LRRFIP2: variants seen among roughly 807,000 people sequenced by gnomAD.
LRRFIP2 encodes the protein leucine-rich repeat flightless-interacting protein 2.
LRRFIP2 carries 109 observed loss-of-function variants against 125.9 expected under a neutral mutation model. The ratio of observed to expected loss-of-function variants is 0.87; its 90% confidence interval spans 0.74 to 1.01. The LOEUF (loss-of-function observed/expected upper bound fraction) is 1.01. Among genes scored for constraint, LRRFIP2 ranks in the 50% least tolerant of loss-of-function variants. LRRFIP2 has a pLI of 0.00. For missense variants in LRRFIP2, 850 were observed against 862.3 expected (o/e 0.99, Z 0.18); for synonymous variants, 291 against 293.1 (o/e 0.99, Z 0.07).
chr3:37,056,643 CG>C (rs2086965694), intron 25 of LRRFIP2, among the ~76,000 whole-genome samples: 1 of 151,910 alleles, frequency 6.6e-6, no homozygotes, highest in Non-Finnish European at 1.5e-5. Flanking sequence ...TTAGTAGAGA[CG>C]GGGTTTCACC....
chr3:37,063,635 CTGA>C (rs1407776599), intron 24 of LRRFIP2, 104 bp downstream of exon 24: 2 of 822,450 alleles, frequency 2.4e-6, no homozygotes, highest in African/African-American at 1.7e-5. Flanking sequence ...CACTTGAGTA[CTGA>C]TGTTTGAAAG....
chr3:37,073,146 C>T (rs2091524125), intron 20 of LRRFIP2, among the ~76,000 whole-genome samples: 1 of 152,212 alleles, frequency 6.6e-6, no homozygotes, highest in African/African-American at 2.4e-5. Context: ...TGGCAGCAAG[C>T]CAGCTAGAAT....
intron 8 of LRRFIP2, among the ~76,000 whole-genome samples, chr3:37,111,447 T>A (rs943279958): frequency 6.6e-6 from 1 of 152,132 alleles, no homozygotes; most frequent in Non-Finnish European, 1.5e-5. Flanking sequence ...TTCCAAACAT[T>A]TCCTAGTCCC....
intron 17 of LRRFIP2, among the ~76,000 whole-genome samples, 192 bp from the exon 18 acceptor site, chr3:37,091,730 GGAA>G (rs2093451672): frequency 6.6e-6 from 1 of 152,098 alleles, no homozygotes; most frequent in African/African-American, 2.4e-5. Flanking sequence ...TGGGACTGGG[GGAA>G]GGTCTAGAGT....
At chr3:37,157,123 C>T (rs1032943815) in intron 1 of LRRFIP2, among the ~76,000 whole-genome samples, 1 of 151,370 alleles carries the variant, frequency 6.6e-6, no homozygotes, top group Non-Finnish European at 1.5e-5. Flanking sequence ...GAGTGCAACC[C>T]CGTCTCAAAA....
rs559203859 is a variant in LRRFIP2 at position 37,171,708 on chromosome 3, G to A, written c.-56+2831C>T. On this transcript the variant is annotated intron_variant, in intron 1 of 27. Coordinates refer to ENST00000336686, the MANE Select transcript of LRRFIP2 (RefSeq NM_006309.4). ...TTTATTATGTATAGATTAGGATGTG[G>A]AAGGTAAAGGAAAAAAGGAGGTAGA... 2.0e-5 allele frequency among the ~76,000 whole-genome samples: 3 copies of A among 152,270 alleles called. No individual in the cohort carries two copies. The South Asian group carries it at 6.2e-4, about 32-fold the overall frequency.
At chr3:37,091,648 C>A in intron 17 of LRRFIP2, 110 bp from the exon 18 acceptor site, 1 of 737,596 alleles carries the variant, frequency 1.4e-6, no homozygotes, top group South Asian at 2.1e-5. Flanking sequence ...AGACTAAAAG[C>A]AGAGAAATCA....
At chr3:37,162,337 G>C (rs1288740035) in intron 1 of LRRFIP2, among the ~76,000 whole-genome samples, 1 of 152,044 alleles carries the variant, frequency 6.6e-6, no homozygotes, top group Non-Finnish European at 1.5e-5. Flanking sequence ...TGAGAACAAA[G>C]ATGACTTTAC....
At chr3:37,154,067 T>C (rs1003426411) in intron 1 of LRRFIP2, among the ~76,000 whole-genome samples, 8 of 151,330 alleles carry the variant, frequency 5.3e-5, no homozygotes, top group African/African-American at 1.9e-4. Context: ...CCCAGCTACT[T>C]GGGAGGCTGA....
intron 15 of LRRFIP2, among the ~76,000 whole-genome samples, chr3:37,098,295 T>C (rs886220132): frequency 2.6e-5 from 4 of 152,130 alleles, no homozygotes; most frequent in African/African-American, 9.7e-5. Flanking sequence ...TTTTTTACTA[T>C]ACTTTAAGTT....
intron 1 of LRRFIP2, among the ~76,000 whole-genome samples, chr3:37,150,865 G>A (rs930244514): frequency 4.6e-5 from 7 of 152,046 alleles, no homozygotes; most frequent in Admixed American, 2.0e-4. Context: ...AGTTGATTCC[G>A]GCTAAATAAA....
intron 1 of LRRFIP2, among the ~76,000 whole-genome samples, chr3:37,158,748 G>A (rs2096263385): frequency 6.6e-6 from 1 of 152,030 alleles, no homozygotes; most frequent in Admixed American, 6.6e-5. Context: ...ATGTAACAAG[G>A]ATATAATTTT....
chr3:37,060,032 C>G lies in LRRFIP2; in HGVS notation c.1750-1122G>C, dbSNP rs1357581687. On this transcript the variant is annotated intron_variant, in intron 24 of 27. Transcript: ENST00000336686. This position sits in a 1 kb window ranked among gnomAD's most constrained non-coding sequence, Gnocchi z 4.1. ...AGGGAACCAGGACAAATCTCAGTATCTCCATCATTCCTATTTATGTGCATC... is the reference window on the plus strand; with the variant it reads ...AGGGAACCAGGACAAATCTCAGTATGTCCATCATTCCTATTTATGTGCATC... Among the ~76,000 whole-genome samples, 3 of 152,270 alleles carry G rather than the reference C, an allele frequency of 2.0e-5. No individual in the cohort carries two copies. In the East Asian group the frequency reaches 5.8e-4, roughly 29 times the overall value.
chr3:37,167,453 A>G (rs1303828241), intron 1 of LRRFIP2, among the ~76,000 whole-genome samples: 3 of 148,256 alleles, frequency 2.0e-5, no homozygotes, highest in Non-Finnish European at 4.5e-5. Context: ...CAGGAGTTCG[A>G]GACCAGCCTG....
At chr3:37,056,429 T>G (rs1377153566) in intron 25 of LRRFIP2, among the ~76,000 whole-genome samples, 1 of 151,918 alleles carries the variant, frequency 6.6e-6, no homozygotes, top group African/African-American at 2.4e-5. Context: ...TTACAATTAC[T>G]TATACAGTCT....
intron 13 of LRRFIP2, among the ~76,000 whole-genome samples, chr3:37,105,793 G>A (rs541610651): frequency 5.9e-5 from 9 of 152,266 alleles, no homozygotes; most frequent in African/African-American, 1.2e-4. Context: ...AGCCAGGAGC[G>A]GTGGCTCATG....
chr3:37,117,261 T>C (rs771986142), intron 6 of LRRFIP2, among the ~76,000 whole-genome samples: 12 of 152,074 alleles, frequency 7.9e-5, no homozygotes, highest in Non-Finnish European at 1.3e-4. Flanking sequence ...ATCCTCTCTA[T>C]AGCACCAGTG....
At chr3:37,068,892 T>A (rs1029707857) in intron 21 of LRRFIP2, 3 of 152,224 alleles carry the variant, frequency 2.0e-5, no homozygotes, top group African/African-American at 4.8e-5. Context: ...GGGCTCCTGG[T>A]GTTTAGAACC....
chr3:37,108,346 C>T (rs1057420421), intron 12 of LRRFIP2, among the ~76,000 whole-genome samples: 1 of 152,186 alleles, frequency 6.6e-6, no homozygotes, highest in African/African-American at 2.4e-5. Context: ...AGAAGTGCTG[C>T]TCAGAACTTC....
Sources: gnomAD v4.1 joint callset for allele counts (sites outside exome capture counted in the v4.1 genomes callset) on GRCh38, gnomAD v4.1.1 for gene constraint, Gnocchi (gnomAD v3.1) non-coding constraint, MANE v1.5 for transcripts, NCBI Gene and HGNC (gene_info 2026-07-23, HGNC 2026-07-21) for gene names.